Variants in OSBPL10 observed in about 807,000 individuals in gnomAD.
The protein encoded by OSBPL10 is oxysterol-binding protein-related protein 10.
A neutral mutation model predicts 81.7 loss-of-function variants in OSBPL10; 49 were observed. The observed-to-expected ratio is 0.60, with a 90% confidence interval of 0.48 to 0.76. The LOEUF is 0.76. Among genes scored for constraint, OSBPL10 ranks in the 30% least tolerant of loss-of-function variants. OSBPL10 has a pLI of 0.00. For missense variants in OSBPL10, 923 were observed against 987.8 expected, an observed-to-expected ratio of 0.93 and a Z score of 0.88; for synonymous variants, 419 against 383.6, an observed-to-expected ratio of 1.09 and a Z score of -1.08.
rs181642382 is a variant in OSBPL10, at chr3:31,864,257, G to A, written c.537+12176C>T. On this transcript the variant is annotated intron_variant, in intron 3 of 11. Coordinates refer to ENST00000396556, the MANE Select transcript of OSBPL10 (RefSeq NM_017784.5). ...TCTCTTTCTGTTTCTTGTTTTTTGA[G>A]ATGGAGTCTCACTCTGTTGCCCAGG... 2.6e-5 allele frequency among the ~76,000 whole-genome samples: 4 copies of A among 152,262 alleles called. No individual in the cohort carries two copies. The East Asian group carries it at 7.7e-4, about 29-fold the overall frequency.
At chr3:31,844,657 G>A (rs1282284891) in intron 3 of OSBPL10, among the ~76,000 whole-genome samples, 6 of 152,236 alleles carry the variant, frequency 3.9e-5, no homozygotes, top group Non-Finnish European at 8.8e-5. Context: ...GAAATGGGGA[G>A]TAACTGCAAA....
At chr3:31,807,734 T>C (rs927909430) in intron 4 of OSBPL10, among the ~76,000 whole-genome samples, 1 of 152,070 alleles carries the variant, frequency 6.6e-6, no homozygotes, top group African/African-American at 2.4e-5. Context: ...CAAGACCCCA[T>C]CTCTAAAAAG....
intron 8 of OSBPL10, among the ~76,000 whole-genome samples, chr3:31,683,261 G>A (rs1043286145): frequency 2.6e-5 from 4 of 152,222 alleles, no homozygotes; most frequent in African/African-American, 9.7e-5. Context: ...CTGTGAGCCA[G>A]AACACCGGTG....
chr3:31,859,181 G>A (rs60867881), intron 3 of OSBPL10, among the ~76,000 whole-genome samples: 2 of 151,838 alleles, frequency 1.3e-5, no homozygotes, highest in African/African-American at 2.4e-5. Flanking sequence ...TTTTGTTGTT[G>A]TTTTTACCTA....
chr3:31,949,874 C>T (rs887588311), intron 1 of OSBPL10, among the ~76,000 whole-genome samples: 3 of 152,046 alleles, frequency 2.0e-5, no homozygotes, highest in Admixed American at 2.0e-4. Context: ...GACCTGAGGT[C>T]CCACCTATGG....
intron 1 of OSBPL10, among the ~76,000 whole-genome samples, chr3:31,954,114 G>T (rs1697945315): frequency 1.3e-5 from 2 of 152,178 alleles, no homozygotes; most frequent in African/African-American, 4.8e-5. Context: ...TTTAACCCTA[G>T]AACAATTAAA....
intron 3 of OSBPL10, among the ~76,000 whole-genome samples, chr3:31,874,795 C>T (rs1215247823): frequency 6.6e-6 from 1 of 152,088 alleles, no homozygotes; most frequent in Non-Finnish European, 1.5e-5. Flanking sequence ...AATTTAGCAA[C>T]GTCTATGAAA....
intron 3 of OSBPL10, among the ~76,000 whole-genome samples, chr3:31,851,834 T>A (rs1450741962): frequency 3.3e-5 from 5 of 152,172 alleles, no homozygotes; most frequent in Non-Finnish European, 7.4e-5. Flanking sequence ...AGAGCAGGAC[T>A]CAGAAGGCAT....
At chr3:32,026,020 A>ATAGATAGG (rs1388469722) in intron 2 of OSBPL10, among the ~76,000 whole-genome samples, 20 of 117,916 alleles carry the variant, frequency 1.7e-4, no homozygotes, top group Admixed American at 5.5e-4. Flanking sequence ...ACATAGATAG[A>ATAGATAGG]TAGATAGATA....
intron 6 of OSBPL10, among the ~76,000 whole-genome samples, chr3:31,726,747 G>A (rs1017409658): frequency 1.3e-5 from 2 of 152,108 alleles, no homozygotes; most frequent in African/African-American, 4.8e-5. Flanking sequence ...AGGAGGAATG[G>A]AAGAAACTTG....
intron 4 of OSBPL10, among the ~76,000 whole-genome samples, chr3:31,749,491 A>G (rs1334935931): frequency 1.3e-5 from 2 of 152,234 alleles, no homozygotes; most frequent in East Asian, 3.8e-4. Flanking sequence ...GGAGAGCTCA[A>G]TAAGTACTCA....
At chr3:31,728,447 A>T (rs1374387942) in intron 6 of OSBPL10, among the ~76,000 whole-genome samples, 1 of 152,240 alleles carries the variant, frequency 6.6e-6, no homozygotes, top group East Asian at 1.9e-4. Context: ...TTAACACAAC[A>T]TTATTTTTCA....
intron 4 of OSBPL10, among the ~76,000 whole-genome samples, chr3:31,749,109 C>A (rs936241748): frequency 5.9e-5 from 9 of 152,198 alleles, no homozygotes; most frequent in African/African-American, 2.2e-4. Flanking sequence ...ATCTTCTCCA[C>A]AAAAGCTGTT....
intron 3 of OSBPL10, among the ~76,000 whole-genome samples, chr3:31,861,694 C>G (rs1413545309): frequency 6.6e-6 from 1 of 152,134 alleles, no homozygotes; most frequent in Non-Finnish European, 1.5e-5. Context: ...GCCTAACTAC[C>G]CCAAAACAAG....
intron 1 of OSBPL10, among the ~76,000 whole-genome samples, chr3:31,973,048 GT>G (rs1698606680): frequency 6.6e-6 from 1 of 152,172 alleles, no homozygotes; most frequent in Non-Finnish European, 1.5e-5. Context: ...ATTCTGGATG[GT>G]TTTCTTTTTA....
chr3:31,796,616 G>A (rs993349467), intron 4 of OSBPL10, among the ~76,000 whole-genome samples: 1 of 152,126 alleles, frequency 6.6e-6, no homozygotes, highest in African/African-American at 2.4e-5. Context: ...CAGATAACTT[G>A]GTGGTTGTGG....
chr3:31,981,304 C>G (rs1299115536), upstream of OSBPL10: 1 of 1,275,482 alleles, frequency 7.8e-7, no homozygotes, highest in Non-Finnish European at 9.9e-7. The surrounding 1 kb of genome is among the most constrained non-coding windows in gnomAD (Gnocchi z 4.5). Context: ...CGGGAAATGC[C>G]TGACTCATAC....
chr3:31,766,544 T>C (rs1225434380), intron 4 of OSBPL10, among the ~76,000 whole-genome samples: 1 of 151,938 alleles, frequency 6.6e-6, no homozygotes, highest in Non-Finnish European at 1.5e-5. Flanking sequence ...CTCATTATGT[T>C]GCCCAGGCTG....
intron 4 of OSBPL10, among the ~76,000 whole-genome samples, chr3:31,759,654 A>G (rs1697975743): frequency 6.6e-6 from 1 of 152,130 alleles, no homozygotes; most frequent in Non-Finnish European, 1.5e-5. Flanking sequence ...TATCTAATAC[A>G]CCACTGTTGA....
Sources: gnomAD v4.1 joint callset for allele counts (sites outside exome capture counted in the v4.1 genomes callset) on GRCh38, gnomAD v4.1.1 for gene constraint, Gnocchi (gnomAD v3.1) non-coding constraint, MANE v1.5 for transcripts, NCBI Gene and HGNC (gene_info 2026-07-23, HGNC 2026-07-21) for gene names.